RASAL2: variants seen among roughly 807,000 people sequenced by gnomAD.
The protein encoded by RASAL2 is RAS protein activator like 2, also known as ras GTPase-activating protein nGAP.
Under a neutral mutation model 128.9 loss-of-function variants are expected in RASAL2, and 58 were observed. That is an observed-to-expected ratio of 0.45 (90% CI 0.36 to 0.56). The LOEUF (loss-of-function observed/expected upper bound fraction) is 0.56, where lower values mean the gene tolerates loss of function less well. RASAL2 is among the 20% of genes least tolerant of loss of function. The probability of loss-of-function intolerance (pLI) is 0.00; values close to 1 mark genes in which losing one functional copy is unlikely to be tolerated. For missense variants in RASAL2, 1,360 were observed against 1,601.6 expected (o/e 0.85, Z 2.57); for synonymous variants, 561 against 580.8 (o/e 0.97, Z 0.49).
At chr1:178,331,439 G>A (rs1283095938) in intron 3 of RASAL2, among the ~76,000 whole-genome samples, 14 of 152,094 alleles carry the variant, frequency 9.2e-5, no homozygotes, top group Non-Finnish European at 2.9e-5. Context: ...CTATTTTACT[G>A]TTATTTAGTG....
In RASAL2 at chr1:178,466,932, AC is replaced by A. The variant is rs1647768350; in HGVS notation, c.3591-401del. On this transcript the variant is annotated intron_variant, in intron 16 of 17. Coordinates refer to ENST00000367649, the MANE Select transcript of RASAL2 (RefSeq NM_170692.4). Reference sequence around the variant, plus strand: ...GAATGGCGGACAGAAAACAAGCTAAACATACTAGGTATAGAGTACTCATTGA... The same window carrying A: ...GAATGGCGGACAGAAAACAAGCTAAAATACTAGGTATAGAGTACTCATTGA... 2.0e-5 allele frequency among the ~76,000 whole-genome samples: 3 copies of A among 152,360 alleles called. No homozygotes were observed. In the South Asian group the frequency reaches 6.2e-4, roughly 32 times the overall value.
chr1:178,332,841 A>G (rs891246971), intron 3 of RASAL2, among the ~76,000 whole-genome samples: 6 of 151,772 alleles, frequency 4.0e-5, no homozygotes, highest in African/African-American at 1.5e-4. Flanking sequence ...TGACCTCGTG[A>G]TCTGCCTGCC....
In RASAL2 at chr1:178,128,699, C is replaced by T. The variant is rs116730779; in HGVS notation, c.202+34005C>T. 2.7e-3 allele frequency among the ~76,000 whole-genome samples: 409 copies of T among 152,226 alleles called. 4 individuals are homozygous for T. The highest frequency in any genetic ancestry group is 9.5e-3 in the African/African-American group (396 of 41,556). On this transcript the variant is annotated intron_variant, in intron 1 of 17. Coordinates refer to ENST00000367649, the MANE Select transcript of RASAL2 (RefSeq NM_170692.4). Reference sequence around the variant, plus strand: ...TGTATCTGTTTGCAGTTAATTCCCACTCCCAGCCCTAGGCAACCACTGATC... The same window carrying T: ...TGTATCTGTTTGCAGTTAATTCCCATTCCCAGCCCTAGGCAACCACTGATC...
At position 178,275,724 on chromosome 1, in the gene RASAL2, C is replaced by T. The variant is rs542057313; in HGVS notation, c.203-7840C>T. On this transcript the variant is annotated intron_variant, in intron 1 of 17. Transcript: ENST00000367649. ...GCAGCTGAGACTGAGAGGGAAGCAG[C>T]AGCAGAACTCTGCAAATGTTAGACT... 1.1e-3 allele frequency among the ~76,000 whole-genome samples: 165 copies of T among 152,326 alleles called. 1 individual carries two copies. Among genetic ancestry groups the T allele is most frequent in the African/African-American group, 3.7e-3 (154 of 41,576 alleles).
At chr1:178,256,755 C>T (rs1240403397) in intron 1 of RASAL2, among the ~76,000 whole-genome samples, 3 of 152,064 alleles carry the variant, frequency 2.0e-5, no homozygotes, top group Non-Finnish European at 4.4e-5. Context: ...CTCATTGCAA[C>T]CTCCGCCTCC....
intron 3 of RASAL2, among the ~76,000 whole-genome samples, chr1:178,344,681 G>GAGA (rs533183063): frequency 6.6e-6 from 1 of 152,168 alleles, no homozygotes; most frequent in African/African-American, 2.4e-5. Context: ...CAGTTGTAGT[G>GAGA]AGAAGGAGAA....
Position 178,300,020 on chromosome 1 carries a change from A to G in RASAL2, c.359A>G (p.Gln120Arg), listed in dbSNP as rs1462957650. The G allele has an allele frequency of 1.2e-6, 2 of 1,614,062 alleles. No homozygotes were observed. Among genetic ancestry groups the G allele is most frequent in the South Asian group, 1.1e-5 (1 of 91,084 alleles). Residue 120 changes from glutamine to arginine, a missense_variant, in exon 3 of 18, where the codon CAG becomes CGG. Transcript: ENST00000367649. ...EIPVEGGQEQ[Q>R]TDSTKGRCLR... ...CCTGTGGAAGGGGGACAGGAGCAGC[A>G]GACAGATTCCACCAAAGGGCGATGC...
chr1:178,453,824 T>C (rs1677567401), intron 11 of RASAL2, among the ~76,000 whole-genome samples: 1 of 152,208 alleles, frequency 6.6e-6, no homozygotes, highest in East Asian at 1.9e-4. Context: ...GGAACTTCAG[T>C]GAACAGATTG....
At chr1:178,355,937 G>A (rs1259455934) in intron 3 of RASAL2, among the ~76,000 whole-genome samples, 2 of 152,272 alleles carry the variant, frequency 1.3e-5, no homozygotes, top group African/African-American at 2.4e-5. Context: ...TTGGGAGGCC[G>A]AGGCAGGTGG....
chr1:178,297,661 T>G (rs1370436181), intron 2 of RASAL2, among the ~76,000 whole-genome samples: 1 of 150,798 alleles, frequency 6.6e-6, no homozygotes, highest in Non-Finnish European at 1.5e-5. Flanking sequence ...AAAGGTTATA[T>G]TATGTTCTTT....
chr1:178,250,534 C>A (rs554651537), intron 1 of RASAL2, among the ~76,000 whole-genome samples: 1 of 152,192 alleles, frequency 6.6e-6, no homozygotes, highest in African/African-American at 2.4e-5. Flanking sequence ...ACTCGCTGAT[C>A]GAGACCACTT....
At chr1:178,460,796 A>G (rs753549606) in intron 14 of RASAL2, among the ~76,000 whole-genome samples, 67 of 151,596 alleles carry the variant, frequency 4.4e-4, no homozygotes, top group Non-Finnish European at 8.5e-4. Context: ...TTTTGAACTT[A>G]CATTGTTAGT....
intron 1 of RASAL2, among the ~76,000 whole-genome samples, chr1:178,254,316 C>T (rs998830109): frequency 6.6e-6 from 1 of 152,166 alleles, no homozygotes; most frequent in African/African-American, 2.4e-5. Flanking sequence ...ATATTATATA[C>T]TCATAATATT....
At chr1:178,443,281 TA>T in intron 8 of RASAL2, 52 bp downstream of exon 8, 2 of 1,438,118 alleles carry the variant, frequency 1.4e-6, no homozygotes, top group Admixed American at 2.0e-5. Context: ...CTACCTTTCA[TA>T]AACCAAGATA....
At chr1:178,383,887 A>G (rs1276302535) in intron 3 of RASAL2, among the ~76,000 whole-genome samples, 1 of 152,214 alleles carries the variant, frequency 6.6e-6, no homozygotes, top group East Asian at 1.9e-4. Context: ...AGTGAAGTGG[A>G]CTCATTCATA....
At position 178,415,221 on chromosome 1, in the gene RASAL2, G is replaced by A. The variant is rs1343524682; in HGVS notation, c.565-5290G>A. 2.0e-5 allele frequency among the ~76,000 whole-genome samples: 3 copies of A among 151,728 alleles called. No homozygotes were observed. In the South Asian group the frequency reaches 6.2e-4, roughly 32 times the overall value. ...TTCAATGCTATAAATTTTCCTCTAAGCACTGTTTTTACTGCATACCACAAA... is the reference window on the plus strand; with the variant it reads ...TTCAATGCTATAAATTTTCCTCTAAACACTGTTTTTACTGCATACCACAAA... On this transcript the variant is annotated intron_variant, in intron 4 of 17. Coordinates refer to ENST00000367649, the MANE Select transcript of RASAL2 (RefSeq NM_170692.4).
intron 1 of RASAL2, among the ~76,000 whole-genome samples, chr1:178,229,200 A>G (rs1663902481): frequency 6.6e-6 from 1 of 152,204 alleles, no homozygotes; most frequent in Non-Finnish European, 1.5e-5. Flanking sequence ...AGAATATGAT[A>G]ACTTTCTCTT....
intron 3 of RASAL2, among the ~76,000 whole-genome samples, chr1:178,357,037 T>C (rs1044487869): frequency 1.3e-5 from 2 of 152,220 alleles, no homozygotes; most frequent in Non-Finnish European, 2.9e-5. Flanking sequence ...TTTGTACATA[T>C]ATCTGTGTTC....
intron 17 of RASAL2, among the ~76,000 whole-genome samples, chr1:178,472,502 T>C (rs1488119311): frequency 6.6e-6 from 1 of 152,196 alleles, no homozygotes; most frequent in African/African-American, 2.4e-5. Flanking sequence ...TCTGAGCTTT[T>C]TGGCTGCTTT....
Sources: allele counts gnomAD v4.1 joint callset (sites outside exome capture counted in the v4.1 genomes callset), GRCh38; gene constraint gnomAD v4.1.1; transcripts MANE v1.5; gene names NCBI Gene and HGNC (gene_info 2026-07-23, HGNC 2026-07-21).